ABCA10: variants seen among roughly 807,000 people sequenced by gnomAD.
The protein encoded by ABCA10 is ATP binding cassette subfamily A member 10.
In ABCA10, 169 loss-of-function variants were observed where a neutral mutation model predicts 187.5. The observed-to-expected ratio is 0.90, with a 90% CI of 0.80 to 1.02. The LOEUF (loss-of-function observed/expected upper bound fraction) is 1.02, where lower values mean the gene tolerates loss of function less well. ABCA10 is among the 50% of genes least tolerant of loss of function. The probability of loss-of-function intolerance (pLI) is 0.00; values close to 1 mark genes in which losing one functional copy is unlikely to be tolerated. For synonymous variants in ABCA10, 574 were observed against 601.8 expected (o/e 0.95, Z 0.68); for missense variants, 1,727 against 1,812.4 (o/e 0.95, Z 0.86).
chr17:69,178,709 T>C (rs1340420636), intron 22 of ABCA10, among the ~76,000 whole-genome samples: 1 of 152,212 alleles, frequency 6.6e-6, no homozygotes. Flanking sequence ...TATACTATAC[T>C]AATCCCTATT....
chr17:69,172,652 A>G, intron 25 of ABCA10, among the ~76,000 whole-genome samples: 1 of 152,270 alleles, frequency 6.6e-6, no homozygotes, highest in Middle Eastern at 3.4e-3. Context: ...ATGACTTTCA[A>G]ACCAAAAAAA....
chr17:69,220,120 G>GCATTGCA (rs1432678283), intron 5 of ABCA10, among the ~76,000 whole-genome samples: 5 of 152,102 alleles, frequency 3.3e-5, no homozygotes, highest in Admixed American at 6.5e-5. Context: ...AAATTGTTTA[G>GCATTGCA]TTACAATTGA....
intron 36 of ABCA10, 116 bp downstream of exon 36, chr17:69,151,927 T>C: frequency 6.9e-7 from 1 of 1,441,160 alleles, no homozygotes; most frequent in Non-Finnish European, 9.3e-7. Context: ...ACAGGTTGTT[T>C]TGTGATGAAT....
At chr17:69,192,312 AAAACAAACAAAC>A (rs111271676) in intron 16 of ABCA10, among the ~76,000 whole-genome samples, 1 of 150,624 alleles carries the variant, frequency 6.6e-6, no homozygotes, top group Non-Finnish European at 1.5e-5. Context: ...TGTCTTCAAA[AAAACAAACAAAC>A]AAACAAACAA....
At chr17:69,224,688 GAA>G (rs34181751) in intron 3 of ABCA10, among the ~76,000 whole-genome samples, 8,567 of 137,342 alleles carry the variant, frequency 0.062, 277 homozygotes, top group African/African-American at 0.074. Context: ...AGTCTTATGG[GAA>G]AAAAAAAAAA....
intron 25 of ABCA10, among the ~76,000 whole-genome samples, chr17:69,172,916 T>C (rs1477367852): frequency 5.3e-5 from 8 of 152,106 alleles, no homozygotes; most frequent in Non-Finnish European, 1.5e-5. Flanking sequence ...GCAAAAAAGA[T>C]TTATCAAGCA....
Position 69,210,865 on chromosome 17 carries a change from T to TATATATATATATATATATATATATA in ABCA10, c.1006+3838_1006+3839insTATATATATATATATATATATATAT, listed in dbSNP as rs1555662878. ...TATGCCACATATATATATATATATATGCCATATTTCCTTTACCCACTCATT... is the reference window on the plus strand; with the variant it reads ...TATGCCACATATATATATATATATATATATATATATATATATATATATATAGCCATATTTCCTTTACCCACTCATT... On this transcript the variant is annotated intron_variant, in intron 9 of 38. Transcript: ENST00000690296. 3.2e-4 allele frequency among the ~76,000 whole-genome samples: 46 copies of TATATATATATATATATATATATATA among 145,536 alleles called. 1 individual carries two copies. Among genetic ancestry groups the TATATATATATATATATATATATATA allele is most frequent in the African/African-American group, 1.1e-3 (42 of 36,986 alleles).
chr17:69,203,273 GAAAA>G (rs1765115413), intron 9 of ABCA10, among the ~76,000 whole-genome samples: 1 of 151,846 alleles, frequency 6.6e-6, no homozygotes, highest in African/African-American at 2.4e-5. Flanking sequence ...AAAAAACAAA[GAAAA>G]AATTTTAGAA....
chr17:69,153,692 G>T, intron 32 of ABCA10, 139 bp downstream of exon 32: 1 of 1,435,044 alleles, frequency 7.0e-7, no homozygotes, highest in Non-Finnish European at 9.4e-7. Context: ...TTATGATTTG[G>T]TTCTTATTCA....
intron 9 of ABCA10, among the ~76,000 whole-genome samples, chr17:69,207,530 G>GAT (rs1443375617): frequency 2.6e-5 from 4 of 151,842 alleles, no homozygotes; most frequent in Non-Finnish European, 4.4e-5. Flanking sequence ...GAAATTGTGA[G>GAT]ATAGATATAT....
rs111796360 is a variant in ABCA10, at chr17:69,201,560, T to C, written c.1115A>G (p.His372Arg). Residue 372 changes from histidine (H) to arginine (R), a missense_variant, in exon 10 of 39, where the codon CAT becomes CGT. By Grantham distance (29) the His-to-Arg change is conservative. Transcript: ENST00000690296. ...CGGTTCAAAAGAATCATCAGAGGAA[T>C]GCTCAGGATTTATTTCATTCTCAAA... ...EIFENEINPEHSSDDSFEPVS... is the reference protein window; with the variant it reads ...EIFENEINPERSSDDSFEPVS... 2.5e-5 allele frequency: 40 copies of C among 1,611,746 alleles called. No homozygotes were observed. Among genetic ancestry groups the C allele is most frequent in the Non-Finnish European group, 3.4e-5 (40 of 1,179,392 alleles).
intron 1 of ABCA10, among the ~76,000 whole-genome samples, chr17:69,237,299 T>C (rs879583148): frequency 3.9e-5 from 6 of 152,216 alleles, no homozygotes; most frequent in Non-Finnish European, 5.9e-5. Context: ...ATGTTTCTGA[T>C]TGGAATGGAA....
intron 27 of ABCA10, among the ~76,000 whole-genome samples, chr17:69,157,674 A>G (rs2074184688): frequency 2.0e-5 from 3 of 152,142 alleles, no homozygotes; most frequent in Admixed American, 6.6e-5. Flanking sequence ...AACAGACTCT[A>G]CATATATAGG....
chr17:69,211,679 C>T (rs1268227216), intron 9 of ABCA10, among the ~76,000 whole-genome samples: 2 of 152,022 alleles, frequency 1.3e-5, no homozygotes, highest in Non-Finnish European at 1.5e-5. Context: ...TTGGTCTGTT[C>T]AGGGTTTCTA....
rs2074473504 is a variant in ABCA10, at chr17:69,193,150, G to A, written c.1740C>T (p.Leu580=). ...CCTCATCCATGAATTGGGTACTGAA[G>A]AGGATAAGTCGGTCTACTTTATGCT... is the stretch of plus-strand genomic sequence containing the variant. ...LKEHKVDRLI[L]FSTQFMDEAD... is the part of the protein sequence containing the mutation. The change falls in exon 15 of 39, where the codon CTC becomes CTT. Residue 580 remains leucine (L), a synonymous_variant. Coordinates refer to ENST00000690296, the MANE Select transcript of ABCA10 (RefSeq NM_001377321.1). 1 of 1,613,318 alleles carries A rather than the reference G, an allele frequency of 6.2e-7. No homozygotes were observed. Among genetic ancestry groups the A allele is most frequent in the Non-Finnish European group, 8.5e-7 (1 of 1,179,652 alleles).
intron 16 of ABCA10, 123 bp from the exon 17 acceptor site, chr17:69,191,438 T>C (rs951719831): frequency 7.7e-6 from 8 of 1,040,318 alleles, no homozygotes; most frequent in Non-Finnish European, 1.0e-5. Flanking sequence ...ACTCTAGTAA[T>C]TGGTTCCTGC....
chr17:69,232,489 T>TA (rs1019872704), upstream of ABCA10, among the ~76,000 whole-genome samples: 9 of 152,158 alleles, frequency 5.9e-5, no homozygotes, highest in South Asian at 1.5e-3. Flanking sequence ...AAAGGAAAAA[T>TA]AAAAAAACTG....
intron 17 of ABCA10, 145 bp from the exon 18 acceptor site, chr17:69,190,622 G>T: frequency 1.4e-6 from 1 of 714,072 alleles, no homozygotes; most frequent in Non-Finnish European, 2.1e-6. Flanking sequence ...AACCTTTTCT[G>T]TAAGATATTC....
intron 22 of ABCA10, among the ~76,000 whole-genome samples, chr17:69,177,046 A>C (rs2074340029): frequency 6.6e-6 from 1 of 152,050 alleles, no homozygotes; most frequent in Non-Finnish European, 1.5e-5. Flanking sequence ...CTTCATCCTA[A>C]TGATTCCCAA....
Sources: gnomAD v4.1 joint callset for allele counts (sites outside exome capture counted in the v4.1 genomes callset) on GRCh38, gnomAD v4.1.1 for gene constraint, MANE v1.5 for transcripts, NCBI Gene and HGNC (gene_info 2026-07-23, HGNC 2026-07-21) for gene names.